SNAP47: variants seen among roughly 807,000 people sequenced by gnomAD.
The protein encoded by SNAP47 is synaptosomal-associated protein 47.
SNAP47 carries 20 observed loss-of-function variants against 31.4 expected under a neutral mutation model. That is an observed-to-expected ratio of 0.64 (90% CI 0.45 to 0.93). The LOEUF (loss-of-function observed/expected upper bound fraction) is 0.93. Ranked by LOEUF, SNAP47 falls within the 40% of genes least tolerant of loss-of-function variation. SNAP47 has a pLI of 0.00. For synonymous variants in SNAP47, 194 were observed against 213.4 expected (o/e 0.91, Z 0.79); for missense variants, 492 against 528.5 (o/e 0.93, Z 0.68).
intron 2 of SNAP47, among the ~76,000 whole-genome samples, chr1:227,750,710 AG>A (rs1236732656): frequency 1.3e-5 from 2 of 152,206 alleles, no homozygotes; most frequent in Non-Finnish European, 2.9e-5. Flanking sequence ...CCCTGGCCAT[AG>A]GCGAGGGTGC....
intron 1 of SNAP47, among the ~76,000 whole-genome samples, chr1:227,729,621 G>C (rs1660511451): frequency 6.6e-6 from 1 of 152,176 alleles, no homozygotes; most frequent in Non-Finnish European, 1.5e-5. Flanking sequence ...CTTCGGCTGG[G>C]TCAGCAGGCG....
At chr1:227,771,214 A>T (rs1178238057) in intron 4 of SNAP47, among the ~76,000 whole-genome samples, 1 of 152,118 alleles carries the variant, frequency 6.6e-6, no homozygotes, top group Non-Finnish European at 1.5e-5. Flanking sequence ...CACAGGCAGG[A>T]GGTCAATATT....
At chr1:227,752,495 C>T (rs1662443552) in intron 2 of SNAP47, among the ~76,000 whole-genome samples, 1 of 151,902 alleles carries the variant, frequency 6.6e-6, no homozygotes, top group African/African-American at 2.4e-5. Flanking sequence ...GGGTTTTTCT[C>T]TCTATCTGGT....
In SNAP47 at chr1:227,759,435, G is replaced by A. The variant is rs769910081; in HGVS notation, c.938G>A (p.Ser313Asn). 78 of 1,614,086 alleles carry A rather than the reference G, an allele frequency of 4.8e-5. No homozygotes were observed. In the East Asian group the frequency reaches 1.7e-3, roughly 36 times the overall value. The change falls in exon 3 of 5, where the codon AGC becomes AAC. Residue 313 changes from serine to asparagine, a missense_variant. By Grantham distance (46) the Ser-to-Asn change is conservative. Coordinates refer to ENST00000617596, the MANE Select transcript of SNAP47 (RefSeq NM_053052.4). ...TTAGAAGATGCATTGGTGCTCAGAA[G>A]CGCAAGAACCTCTTCCCCCGCAGAG... ...ELLEDALVLR[S>N]ARTSSPAEKS...
At chr1:227,730,515 C>T (rs777483257), upstream of SNAP47, 6 of 151,996 alleles carry the variant, frequency 3.9e-5, no homozygotes, top group Non-Finnish European at 7.4e-5. Flanking sequence ...GCAGTTCAGC[C>T]GTTGCCCTGT....
upstream of SNAP47, among the ~76,000 whole-genome samples, chr1:227,730,169 C>A (rs894132274): frequency 3.3e-5 from 5 of 152,204 alleles, no homozygotes; most frequent in African/African-American, 1.2e-4. Flanking sequence ...GGCTAACCAC[C>A]GCACATCTGC....
At chr1:227,756,459 C>CT (rs1662699030) in intron 2 of SNAP47, among the ~76,000 whole-genome samples, 1 of 152,196 alleles carries the variant, frequency 6.6e-6, no homozygotes, top group South Asian at 2.1e-4. Context: ...AATTAGTCAC[C>CT]TTTAAGAAAA....
upstream of SNAP47, chr1:227,732,885 CAGT>C (rs1325181690): frequency 1.9e-6 from 3 of 1,612,594 alleles, no homozygotes; most frequent in Admixed American, 5.0e-5. Flanking sequence ...CCCCACCTGG[CAGT>C]GGTGGTGCCA....
chr1:227,767,203 C>T (rs1195931193), intron 4 of SNAP47, 120 bp downstream of exon 4: 1 of 1,420,564 alleles, frequency 7.0e-7, no homozygotes, highest in Non-Finnish European at 9.5e-7. Context: ...GGCCTCGCAC[C>T]AAGGAGGAGC....
At chr1:227,750,188 G>T (rs1444939968) in intron 2 of SNAP47, among the ~76,000 whole-genome samples, 1 of 152,228 alleles carries the variant, frequency 6.6e-6, no homozygotes. Flanking sequence ...CAGAGCCCCC[G>T]ACAATCCCAG....
rs1475081890 is a variant in SNAP47, at chr1:227,763,152, G to C, written c.988+3667G>C. On this transcript the variant is annotated intron_variant, in intron 3 of 4. Coordinates refer to ENST00000617596, the MANE Select transcript of SNAP47 (RefSeq NM_053052.4). This position sits in a 1 kb window ranked among gnomAD's most constrained non-coding sequence, Gnocchi z 4.2. ...TTTTTTTTTTTAATTATGGGGTCTTGCCGTGTTGCCTAGGCTGGTCTTGAA... is the reference window on the plus strand; with the variant it reads ...TTTTTTTTTTTAATTATGGGGTCTTCCCGTGTTGCCTAGGCTGGTCTTGAA... Among the ~76,000 whole-genome samples, 3 of 151,272 alleles carry C rather than the reference G, an allele frequency of 2.0e-5. No individual in the cohort carries two copies. Among genetic ancestry groups the C allele is most frequent in the Non-Finnish European group, 4.4e-5 (3 of 67,834 alleles).
At chr1:227,750,052 TG>T (rs1662247659) in intron 2 of SNAP47, among the ~76,000 whole-genome samples, 1 of 152,230 alleles carries the variant, frequency 6.6e-6, no homozygotes, top group African/African-American at 2.4e-5. Context: ...AGCCCTAAGC[TG>T]GGGTCATATT....
Position 227,735,495 on chromosome 1 carries a change from C to A in SNAP47, c.-50C>A. 1.4e-6 allele frequency: 2 copies of A among 1,409,012 alleles called. No individual in the cohort carries two copies. The highest frequency in any genetic ancestry group is 2.8e-5 in the East Asian group (1 of 36,060). The allele number at this position is 1,409,012 out of a possible 1,614,324, so 87.3% of individuals were successfully genotyped here. ...CGGCTCTGGGACTCGTCTGGCGTCC[C>A]TCAGGTGAGCGACGGTGTTGGTCTG... On this transcript the variant is annotated 5_prime_UTR_variant, in exon 1 of 5. Coordinates refer to ENST00000617596, the MANE Select transcript of SNAP47 (RefSeq NM_053052.4).
At chr1:227,732,463 C>T (rs758043337), upstream of SNAP47, 35 of 1,613,178 alleles carry the variant, frequency 2.2e-5, no homozygotes, top group East Asian at 2.2e-5. Context: ...GGTGAGAACG[C>T]GCTGGTGTCC....
intron 2 of SNAP47, among the ~76,000 whole-genome samples, chr1:227,751,939 T>C (rs11800704): frequency 6.6e-6 from 1 of 152,020 alleles, no homozygotes; most frequent in Non-Finnish European, 1.5e-5. Flanking sequence ...AATTTTTTTG[T>C]ATTTTTTAGT....
intron 4 of SNAP47, among the ~76,000 whole-genome samples, chr1:227,770,040 C>G (rs1663694145): frequency 6.6e-6 from 1 of 152,178 alleles, no homozygotes; most frequent in Non-Finnish European, 1.5e-5. Context: ...GGAAAGAAGC[C>G]TGCTGCACTC....
chr1:227,735,758 C>A, intron 1 of SNAP47: 1 of 969,508 alleles, frequency 1.0e-6, no homozygotes, highest in Non-Finnish European at 1.2e-6. Context: ...AGCTGGGGGG[C>A]CCTGGGATGG....
At chr1:227,753,141 C>A (rs1188781800) in intron 2 of SNAP47, among the ~76,000 whole-genome samples, 1 of 152,180 alleles carries the variant, frequency 6.6e-6, no homozygotes, top group Non-Finnish European at 1.5e-5. Flanking sequence ...TTTCTCAATC[C>A]ATCCGTCTGT....
chr1:227,742,693 C>CTGGGGGTCCCTCCCCTCGA (rs1415733611), intron 1 of SNAP47, among the ~76,000 whole-genome samples: 68 of 152,264 alleles, frequency 4.5e-4, no homozygotes, highest in African/African-American at 1.6e-3. Flanking sequence ...CCTCGAAGGC[C>CTGGGGGTCCCTCCCCTCGA]AGGTATGGCT....
Sources: allele counts gnomAD v4.1 joint callset (sites outside exome capture counted in the v4.1 genomes callset), GRCh38; gene constraint gnomAD v4.1.1; non-coding constraint Gnocchi (gnomAD v3.1); transcripts MANE v1.5; gene names NCBI Gene and HGNC (gene_info 2026-07-23, HGNC 2026-07-21).